Variants in FSHR observed in about 807,000 individuals in gnomAD.
The protein encoded by FSHR is follicle stimulating hormone receptor, also known as follicle-stimulating hormone receptor.
Under a neutral mutation model 52.1 loss-of-function variants are expected in FSHR, and 46 were observed. The ratio of observed to expected loss-of-function variants is 0.88; its 90% confidence interval spans 0.70 to 1.13. The LOEUF (loss-of-function observed/expected upper bound fraction) is 1.13. Ranked by LOEUF, FSHR falls within the 50% of genes most tolerant of loss-of-function variation. FSHR has a pLI of 0.00. For synonymous variants in FSHR, 399 were observed against 309.6 expected (o/e 1.29, Z -3.03); for missense variants, 964 against 834.6 (o/e 1.16, Z -1.91).
At chr2:48,987,809 C>A (rs1675583438) in intron 6 of FSHR, among the ~76,000 whole-genome samples, 1 of 147,370 alleles carries the variant, frequency 6.8e-6, no homozygotes, top group Non-Finnish European at 1.5e-5. Context: ...CTCTTTCTTA[C>A]CCTTTCTGCA....
chr2:49,132,376 T>C (rs952487511), intron 1 of FSHR, among the ~76,000 whole-genome samples: 3 of 152,172 alleles, frequency 2.0e-5, no homozygotes, highest in African/African-American at 7.2e-5. Context: ...AAATCTCTTC[T>C]TTCCCTTTAA....
At chr2:49,003,924 C>A (rs1436719848) in intron 4 of FSHR, among the ~76,000 whole-genome samples, 1 of 152,124 alleles carries the variant, frequency 6.6e-6, no homozygotes, top group South Asian at 2.1e-4. Context: ...CAATGTGTGG[C>A]CTGTCCCAGG....
At chr2:49,021,833 C>T (rs13026091) in intron 2 of FSHR, among the ~76,000 whole-genome samples, 6,179 of 31,340 alleles carry the variant, frequency 0.2, 447 homozygotes, top group East Asian at 0.34. Flanking sequence ...GTATGTGTTT[C>T]TCTCTCTCTC....
intron 1 of FSHR, among the ~76,000 whole-genome samples, chr2:49,073,788 A>G (rs1295607883): frequency 6.6e-6 from 1 of 152,134 alleles, no homozygotes; most frequent in Non-Finnish European, 1.5e-5. Context: ...ACTTCAAAAT[A>G]TACTACAAAG....
At chr2:49,140,715 G>A (rs58423339) in intron 1 of FSHR, among the ~76,000 whole-genome samples, 16,940 of 139,656 alleles carry the variant, frequency 0.12, 1,210 homozygotes, top group East Asian at 0.23. Flanking sequence ...AAAAAAGAGA[G>A]AAAAAAAAAA....
intron 1 of FSHR, among the ~76,000 whole-genome samples, chr2:49,114,942 C>T (rs915900061): frequency 6.6e-6 from 1 of 151,688 alleles, no homozygotes; most frequent in African/African-American, 2.4e-5. Flanking sequence ...GCAATCATTG[C>T]CCAGTGCTAA....
At chr2:48,968,554 A>AATT in intron 9 of FSHR, 144 bp downstream of exon 9, 2 of 948,972 alleles carry the variant, frequency 2.1e-6, no homozygotes, top group East Asian at 2.6e-5. Context: ...CCATGAACTG[A>AATT]ATTTTTGACC....
intron 2 of FSHR, among the ~76,000 whole-genome samples, chr2:49,036,773 A>G (rs1436199515): frequency 2.6e-5 from 4 of 152,244 alleles, no homozygotes; most frequent in East Asian, 1.9e-4. Flanking sequence ...GTGATAAACT[A>G]TCACAAAGAC....
chr2:49,015,298 A>G (rs1667444725), intron 4 of FSHR, among the ~76,000 whole-genome samples: 1 of 152,212 alleles, frequency 6.6e-6, no homozygotes, highest in Non-Finnish European at 1.5e-5. Context: ...AACCCTTGCC[A>G]AGCATTTGTA....
intron 1 of FSHR, among the ~76,000 whole-genome samples, chr2:49,138,668 A>G (rs1016715490): frequency 6.6e-5 from 10 of 152,212 alleles, no homozygotes; most frequent in Admixed American, 2.6e-4. Context: ...AGAGACAGAA[A>G]GTAGATTAGT....
chr2:49,143,060 T>C (rs1018553717), intron 1 of FSHR, among the ~76,000 whole-genome samples: 4 of 152,138 alleles, frequency 2.6e-5, no homozygotes, highest in Admixed American at 2.6e-4. Flanking sequence ...ATGGCACACA[T>C]ATTCTGAATG....
intron 1 of FSHR, among the ~76,000 whole-genome samples, chr2:49,069,941 G>T (rs1669669353): frequency 6.6e-6 from 1 of 152,152 alleles, no homozygotes; most frequent in African/African-American, 2.4e-5. Context: ...ATTGGTGTTA[G>T]TGAAATTTCT....
intron 2 of FSHR, among the ~76,000 whole-genome samples, chr2:49,066,673 T>C (rs1669513244): frequency 6.6e-6 from 1 of 152,100 alleles, no homozygotes; most frequent in African/African-American, 2.4e-5. Context: ...GGTTCTTGGA[T>C]TGTTGATATG....
chr2:49,051,095 A>G (rs1372322019), intron 2 of FSHR, among the ~76,000 whole-genome samples: 1 of 152,072 alleles, frequency 6.6e-6, no homozygotes, highest in African/African-American at 2.4e-5. Context: ...GCTTAGTATT[A>G]AATTGTGTGG....
chr2:49,072,291 G>A (rs1669766446), intron 1 of FSHR, among the ~76,000 whole-genome samples: 1 of 152,112 alleles, frequency 6.6e-6, no homozygotes, highest in South Asian at 2.1e-4. Flanking sequence ...GGTCAAAGAA[G>A]ACATCGCAAT....
At chr2:49,119,282 A>C (rs1480722074) in intron 1 of FSHR, among the ~76,000 whole-genome samples, 2 of 152,116 alleles carry the variant, frequency 1.3e-5, no homozygotes, top group Non-Finnish European at 2.9e-5. Context: ...TGTGCTTGTG[A>C]GTGTGGGCAA....
intron 1 of FSHR, among the ~76,000 whole-genome samples, chr2:49,087,084 T>TGTTTTG: frequency 6.8e-6 from 1 of 146,114 alleles, no homozygotes; most frequent in Admixed American, 6.9e-5. Flanking sequence ...TTTTTTTTTT[T>TGTTTTG]TTTTTTTTTT....
At chr2:49,084,214 T>C (rs556067137) in intron 1 of FSHR, among the ~76,000 whole-genome samples, 4 of 146,686 alleles carry the variant, frequency 2.7e-5, no homozygotes, top group South Asian at 2.2e-4. Context: ...CTCAACTACA[T>C]GGAAACTGAA....
chr2:49,003,067 C>G (rs1325811585), intron 4 of FSHR, among the ~76,000 whole-genome samples: 1 of 152,084 alleles, frequency 6.6e-6, no homozygotes. Flanking sequence ...GCCTCTTGAA[C>G]TAGATGTTAT....
Sources: gnomAD v4.1 joint callset for allele counts (sites outside exome capture counted in the v4.1 genomes callset) on GRCh38, gnomAD v4.1.1 for gene constraint, MANE v1.5 for transcripts, NCBI Gene and HGNC (gene_info 2026-07-23, HGNC 2026-07-21) for gene names.